Variants in GPC5 observed in about 807,000 individuals in gnomAD.
GPC5 encodes the protein glypican-5.
In GPC5, 47 loss-of-function variants were observed where a neutral mutation model predicts 53.9. That is an observed-to-expected ratio of 0.87 (90% CI 0.69 to 1.11). The LOEUF (loss-of-function observed/expected upper bound fraction) is 1.11. Among genes scored for constraint, GPC5 ranks in the 50% most tolerant of loss-of-function variants. The pLI, the probability that GPC5 is intolerant of heterozygous loss-of-function variation, is 0.00. For missense variants in GPC5, 748 were observed against 713.1 expected (o/e 1.05, Z -0.56); for synonymous variants, 286 against 263.3 (o/e 1.09, Z -0.84).
At chr13:91,738,554 GCT>G (rs1378745673) in intron 4 of GPC5, among the ~76,000 whole-genome samples, 1 of 151,070 alleles carries the variant, frequency 6.6e-6, no homozygotes, top group African/African-American at 2.5e-5. Context: ...CTGCTGTCTT[GCT>G]CTTTTTTTTC....
chr13:92,435,198 AGCC>A (rs1433088052), intron 7 of GPC5, among the ~76,000 whole-genome samples: 1 of 152,228 alleles, frequency 6.6e-6, no homozygotes, highest in East Asian at 1.9e-4. Context: ...TACAGGCATG[AGCC>A]ACTGCACCCA....
At chr13:92,111,201 GTGTC>G (rs889298810) in intron 6 of GPC5, among the ~76,000 whole-genome samples, 18 of 152,218 alleles carry the variant, frequency 1.2e-4, no homozygotes, top group African/African-American at 3.9e-4. Context: ...TCCTTTACAT[GTGTC>G]TGTCTTTCTG....
At chr13:92,778,532 A>G (rs878856298) in intron 7 of GPC5, among the ~76,000 whole-genome samples, 10 of 152,232 alleles carry the variant, frequency 6.6e-5, no homozygotes, top group African/African-American at 1.9e-4. Context: ...GATAACATGT[A>G]CTTAATGCAT....
intron 6 of GPC5, among the ~76,000 whole-genome samples, chr13:92,070,133 G>A (rs975242253): frequency 2.0e-5 from 3 of 152,158 alleles, no homozygotes; most frequent in Admixed American, 6.5e-5. Flanking sequence ...CACAAATAAA[G>A]CATGAGAAGG....
chr13:92,044,467 A>G (rs2040966080), intron 6 of GPC5, among the ~76,000 whole-genome samples: 1 of 152,190 alleles, frequency 6.6e-6, no homozygotes, highest in Non-Finnish European at 1.5e-5. Flanking sequence ...ACTAGTCAGG[A>G]TGTTGTTTAA....
chr13:92,571,043 T>C (rs2139040807), intron 7 of GPC5, among the ~76,000 whole-genome samples: 1 of 152,282 alleles, frequency 6.6e-6, no homozygotes, highest in South Asian at 2.1e-4. Flanking sequence ...TTGACTCTTA[T>C]GTCTAACATA....
chr13:91,783,620 T>C (rs1167512819), intron 5 of GPC5, among the ~76,000 whole-genome samples: 1 of 151,972 alleles, frequency 6.6e-6, no homozygotes, highest in Non-Finnish European at 1.5e-5. Context: ...ATATTTTTTT[T>C]TAGTAGAGAT....
chr13:92,447,562 T>A (rs1023489863), intron 7 of GPC5: 9 of 152,072 alleles, frequency 5.9e-5, no homozygotes, highest in African/African-American at 1.9e-4. Context: ...AAAAGTCCCA[T>A]ACTCAACAAA....
chr13:92,231,416 C>A (rs919328136), intron 7 of GPC5, among the ~76,000 whole-genome samples: 11 of 152,132 alleles, frequency 7.2e-5, no homozygotes, highest in African/African-American at 2.7e-4. Context: ...ATATAGTCAA[C>A]AAAATGCTAA....
chr13:92,798,305 G>T lies in GPC5; in HGVS notation c.1562-67977G>T, dbSNP rs534728503. 1.7e-3 allele frequency among the ~76,000 whole-genome samples: 259 copies of T among 151,954 alleles called. 1 individual carries two copies. Among genetic ancestry groups the T allele is most frequent in the Non-Finnish European group, 2.8e-3 (189 of 67,894 alleles). On this transcript the variant is annotated intron_variant, in intron 7 of 7. Transcript: ENST00000377067. ...TGCAGCACAAGATGATATACACTCA[G>T]CAATTCACAATGGTGTAAAGGGCAG...
chr13:92,802,205 T>C (rs1876931621), intron 7 of GPC5, among the ~76,000 whole-genome samples: 1 of 151,806 alleles, frequency 6.6e-6, no homozygotes, highest in Non-Finnish European at 1.5e-5. Flanking sequence ...TGCGTTACAA[T>C]TGCCTACAGT....
intron 5 of GPC5, among the ~76,000 whole-genome samples, chr13:91,806,898 A>T (rs1394455205): frequency 6.6e-6 from 1 of 152,196 alleles, no homozygotes; most frequent in Non-Finnish European, 1.5e-5. Context: ...CCTGAAAATT[A>T]TCAACATCTC....
intron 6 of GPC5, among the ~76,000 whole-genome samples, chr13:92,109,093 G>A (rs1326884488): frequency 7.0e-6 from 1 of 143,044 alleles, no homozygotes; most frequent in Non-Finnish European, 1.5e-5. Flanking sequence ...TTGAGACAGG[G>A]TCTTAGTGTG....
intron 7 of GPC5, among the ~76,000 whole-genome samples, chr13:92,679,963 G>A (rs944809973): frequency 7.2e-6 from 1 of 139,340 alleles, no homozygotes; most frequent in African/African-American, 2.7e-5. Flanking sequence ...ACTAAGCAGC[G>A]ATCTCTAAGG....
At chr13:91,939,859 C>T (rs551442197) in intron 6 of GPC5, among the ~76,000 whole-genome samples, 1 of 152,238 alleles carries the variant, frequency 6.6e-6, no homozygotes, top group East Asian at 1.9e-4. Flanking sequence ...GCCAGCAATG[C>T]TCTACCCCTG....
chr13:92,757,315 T>G (rs1056872726), intron 7 of GPC5, among the ~76,000 whole-genome samples: 2 of 152,172 alleles, frequency 1.3e-5, no homozygotes, highest in Non-Finnish European at 2.9e-5. Context: ...CCTTACACCT[T>G]ATACAAAAAT....
chr13:91,759,850 TAAAC>T (rs1174520122), intron 5 of GPC5, among the ~76,000 whole-genome samples: 1 of 152,062 alleles, frequency 6.6e-6, no homozygotes, highest in East Asian at 1.9e-4. Context: ...GTCAAATAAT[TAAAC>T]AAAATTAACT....
intron 7 of GPC5, among the ~76,000 whole-genome samples, chr13:92,206,065 C>G (rs1276142032): frequency 8.9e-5 from 13 of 145,306 alleles, no homozygotes; most frequent in African/African-American, 3.3e-4. Flanking sequence ...AAAAAAAAAC[C>G]CAACAACGAT....
At chr13:91,493,210 A>T (rs1436400804) in intron 2 of GPC5, among the ~76,000 whole-genome samples, 2 of 152,134 alleles carry the variant, frequency 1.3e-5, no homozygotes, top group Non-Finnish European at 2.9e-5. Flanking sequence ...TTAACTTTTA[A>T]ATTTTGTGGG....
Sources: gnomAD v4.1 joint callset for allele counts (sites outside exome capture counted in the v4.1 genomes callset) on GRCh38, gnomAD v4.1.1 for gene constraint, MANE v1.5 for transcripts, NCBI Gene and HGNC (gene_info 2026-07-23, HGNC 2026-07-21) for gene names.